Variants in GRIK1 observed in about 807,000 individuals in gnomAD.
GRIK1 encodes glutamate ionotropic receptor kainate type subunit 1, also known as glutamate receptor ionotropic, kainate 1.
Under a neutral mutation model 105.7 loss-of-function variants are expected in GRIK1, and 69 were observed. The ratio of observed to expected loss-of-function variants is 0.65; its 90% confidence interval spans 0.54 to 0.80. GRIK1 has a LOEUF of 0.80. Among genes scored for constraint, GRIK1 ranks in the 30% least tolerant of loss-of-function variants. GRIK1 has a pLI of 0.00. For missense variants in GRIK1, 1,109 were observed against 1,167.3 expected, an observed-to-expected ratio of 0.95 and a Z score of 0.73; for synonymous variants, 438 against 431.3, an observed-to-expected ratio of 1.02 and a Z score of -0.19.
intron 1 of GRIK1, among the ~76,000 whole-genome samples, chr21:29,751,636 G>C (rs993735864): frequency 6.6e-6 from 1 of 152,096 alleles, no homozygotes; most frequent in African/African-American, 2.4e-5. Context: ...TTTCTTCCAT[G>C]CACACAGCAG....
intron 1 of GRIK1, among the ~76,000 whole-genome samples, chr21:29,805,606 T>C (rs556549235): frequency 2.0e-5 from 3 of 152,274 alleles, no homozygotes; most frequent in Middle Eastern, 3.4e-3. Flanking sequence ...TAAAGCTAAA[T>C]TAATTCCAGT....
intron 1 of GRIK1, among the ~76,000 whole-genome samples, chr21:29,804,213 CAA>C (rs1275789227): frequency 5.9e-5 from 9 of 152,022 alleles, no homozygotes; most frequent in Non-Finnish European, 1.5e-5. Context: ...CATACGTAAT[CAA>C]AGAAAAGTGT....
At chr21:29,790,511 A>T (rs529715865) in intron 1 of GRIK1, among the ~76,000 whole-genome samples, 81 of 151,316 alleles carry the variant, frequency 5.4e-4, no homozygotes, top group Non-Finnish European at 9.6e-4. Flanking sequence ...TCTGAAATGC[A>T]GCAGTGCAAT....
At position 29,594,185 on chromosome 21, in the gene GRIK1, ATGTGTG is replaced by A. The variant is rs35296703; in HGVS notation, c.1251+2335_1251+2340del. On this transcript the variant is annotated intron_variant, in intron 9 of 17. Transcript: ENST00000327783. ...TGTAATCAGCAAAACAGAACTGTGT[ATGTGTG>A]TGTGTGTGTGTGTGTATGTGCACGC... Among the ~76,000 whole-genome samples, 92 of 150,316 alleles carry A rather than the reference ATGTGTG, an allele frequency of 6.1e-4. 1 individual carries two copies. Among genetic ancestry groups the A allele is most frequent in the Admixed American group, 2.1e-3 (31 of 15,096 alleles).
intron 1 of GRIK1, among the ~76,000 whole-genome samples, chr21:29,704,374 C>A (rs1157350584): frequency 6.6e-6 from 1 of 152,156 alleles, no homozygotes. Flanking sequence ...ATTCCTCCAG[C>A]CAGAGGTGAA....
intron 5 of GRIK1, among the ~76,000 whole-genome samples, chr21:29,651,505 C>T (rs1205297122): frequency 1.3e-5 from 2 of 152,112 alleles, no homozygotes; most frequent in Middle Eastern, 3.2e-3. Flanking sequence ...TAAAATTGCA[C>T]ACCACTCTGA....
At chr21:29,569,672 G>A (rs1361361799) in intron 14 of GRIK1, among the ~76,000 whole-genome samples, 5 of 152,104 alleles carry the variant, frequency 3.3e-5, no homozygotes, top group Admixed American at 1.3e-4. Flanking sequence ...GGCTGCATAC[G>A]GTTCTTAGAC....
At chr21:29,678,390 A>G (rs1446802036) in intron 3 of GRIK1, among the ~76,000 whole-genome samples, 1 of 152,196 alleles carries the variant, frequency 6.6e-6, no homozygotes, top group African/African-American at 2.4e-5. Context: ...CCCAAAAGAA[A>G]AATTGTGTAC....
chr21:29,779,327 A>G (rs916495121), intron 1 of GRIK1, among the ~76,000 whole-genome samples: 2 of 95,632 alleles, frequency 2.1e-5, no homozygotes, highest in African/African-American at 6.5e-5. Flanking sequence ...TTTGGAGGTC[A>G]GTGAGTGAGT....
chr21:29,864,497 C>G (rs1033051508), intron 1 of GRIK1, among the ~76,000 whole-genome samples: 1 of 151,818 alleles, frequency 6.6e-6, no homozygotes, highest in Admixed American at 6.6e-5. Context: ...CCTTTTAAAC[C>G]CTTCTATTAA....
At chr21:29,923,721 A>G (rs1295012349) in intron 1 of GRIK1, among the ~76,000 whole-genome samples, 9 of 152,198 alleles carry the variant, frequency 5.9e-5, no homozygotes, top group Non-Finnish European at 1.3e-4. Context: ...AGGTGGGCAA[A>G]TTTGATGTTC....
intron 4 of GRIK1, among the ~76,000 whole-genome samples, chr21:29,660,328 C>A (rs1424079071): frequency 6.6e-6 from 1 of 152,152 alleles, no homozygotes; most frequent in Non-Finnish European, 1.5e-5. Context: ...GTAAAGATGA[C>A]CAGGACGTAG....
At chr21:29,805,435 G>A (rs1384539580) in intron 1 of GRIK1, among the ~76,000 whole-genome samples, 1 of 152,098 alleles carries the variant, frequency 6.6e-6, no homozygotes, top group Non-Finnish European at 1.5e-5. Flanking sequence ...AACTTCCAGT[G>A]TTATTAGCCA....
chr21:29,836,196 A>G (rs1404610575), intron 1 of GRIK1, among the ~76,000 whole-genome samples: 1 of 152,244 alleles, frequency 6.6e-6, no homozygotes, highest in East Asian at 1.9e-4. Context: ...GAACTGAGGC[A>G]CTGGGAAATT....
At chr21:29,851,118 G>T (rs879647293) in intron 1 of GRIK1, among the ~76,000 whole-genome samples, 8 of 151,222 alleles carry the variant, frequency 5.3e-5, no homozygotes, top group Non-Finnish European at 1.0e-4. Flanking sequence ...ACAATGGTAA[G>T]ATCTTGGCTC....
chr21:29,719,922 A>G (rs1188572902), intron 1 of GRIK1, among the ~76,000 whole-genome samples: 2 of 152,234 alleles, frequency 1.3e-5, no homozygotes, highest in Non-Finnish European at 2.9e-5. Context: ...AGACTATAGC[A>G]TATTTCAGAA....
At chr21:29,872,295 G>T (rs1261885477) in intron 1 of GRIK1, among the ~76,000 whole-genome samples, 2 of 149,398 alleles carry the variant, frequency 1.3e-5, no homozygotes, top group Non-Finnish European at 3.0e-5. Context: ...CTGGGTTCAC[G>T]CCATTCTCCT....
At chr21:29,756,356 G>A (rs1218912054) in intron 1 of GRIK1, among the ~76,000 whole-genome samples, 1 of 152,120 alleles carries the variant, frequency 6.6e-6, no homozygotes, top group Non-Finnish European at 1.5e-5. Flanking sequence ...ACTCCAGCCT[G>A]GGCAACAGAG....
At chr21:29,716,288 T>C (rs2064175270) in intron 1 of GRIK1, among the ~76,000 whole-genome samples, 1 of 152,046 alleles carries the variant, frequency 6.6e-6, no homozygotes, top group South Asian at 2.1e-4. Context: ...ACTGGCACAG[T>C]GGGGTGCTGC....
Sources: gnomAD v4.1 joint callset for allele counts (sites outside exome capture counted in the v4.1 genomes callset) on GRCh38, gnomAD v4.1.1 for gene constraint, MANE v1.5 for transcripts, NCBI Gene and HGNC (gene_info 2026-07-23, HGNC 2026-07-21) for gene names.